Variants in SLC24A2 observed in about 807,000 individuals in gnomAD.
SLC24A2 encodes the protein solute carrier family 24 member 2, also known as sodium/potassium/calcium exchanger 2.
Under a neutral mutation model 62.0 loss-of-function variants are expected in SLC24A2, and 36 were observed. The observed-to-expected ratio is 0.58, with a 90% CI of 0.44 to 0.77. The LOEUF (loss-of-function observed/expected upper bound fraction) is 0.77, where lower values mean the gene tolerates loss of function less well. Among genes scored for constraint, SLC24A2 ranks in the 30% least tolerant of loss-of-function variants. The pLI is 0.00. For missense variants in SLC24A2, 846 were observed against 817.9 expected, an observed-to-expected ratio of 1.03 and a Z score of -0.42; for synonymous variants, 358 against 294.0, an observed-to-expected ratio of 1.22 and a Z score of -2.23.
chr9:19,706,212 T>G (rs1474735073), intron 2 of SLC24A2, among the ~76,000 whole-genome samples: 2 of 151,642 alleles, frequency 1.3e-5, no homozygotes, highest in Admixed American at 6.6e-5. Flanking sequence ...TCTTTTGATC[T>G]TTGTTGGTTT....
At chr9:19,814,273 G>A in the SLC24A2 span, among the ~76,000 whole-genome samples, 1 of 152,070 alleles carries the variant, frequency 6.6e-6, no homozygotes, top group Non-Finnish European at 1.5e-5. Flanking sequence ...GAAAGAATGG[G>A]GAGCCTGGAT....
At chr9:20,004,342 G>A in the SLC24A2 span, among the ~76,000 whole-genome samples, 1 of 152,196 alleles carries the variant, frequency 6.6e-6, no homozygotes, top group Non-Finnish European at 1.5e-5. Context: ...CACTCTGTTG[G>A]TCAGGCTTTT....
the SLC24A2 span, among the ~76,000 whole-genome samples, chr9:20,148,998 C>T: frequency 6.6e-6 from 1 of 152,010 alleles, no homozygotes; most frequent in Non-Finnish European, 1.5e-5. Flanking sequence ...GGGTTTTCTT[C>T]AACATGGAGA....
chr9:19,605,646 A>T (rs904344627), intron 4 of SLC24A2, among the ~76,000 whole-genome samples: 1 of 152,214 alleles, frequency 6.6e-6, no homozygotes, highest in African/African-American at 2.4e-5. Flanking sequence ...TGATTGAACC[A>T]CTGAAAGCTG....
chr9:19,939,302 A>G, the SLC24A2 span, among the ~76,000 whole-genome samples: 2 of 152,238 alleles, frequency 1.3e-5, no homozygotes, highest in African/African-American at 4.8e-5. Flanking sequence ...ACAAACCTAG[A>G]TGGTATAGCT....
chr9:20,173,784 C>T, the SLC24A2 span, among the ~76,000 whole-genome samples: 1 of 151,942 alleles, frequency 6.6e-6, no homozygotes, highest in Non-Finnish European at 1.5e-5. Context: ...CAAAAGCAAT[C>T]TATAAGTTCA....
chr9:19,779,589 G>A (rs955589540), intron 2 of SLC24A2, among the ~76,000 whole-genome samples: 4 of 152,098 alleles, frequency 2.6e-5, no homozygotes, highest in Admixed American at 6.5e-5. Context: ...CATCATGAAT[G>A]TACATCAGGA....
the SLC24A2 span, among the ~76,000 whole-genome samples, chr9:19,798,120 A>G: frequency 6.6e-6 from 1 of 152,306 alleles, no homozygotes; most frequent in South Asian, 2.1e-4. Flanking sequence ...TTCACTTAAT[A>G]AACTAGTTTA....
At chr9:20,013,726 AC>A in the SLC24A2 span, among the ~76,000 whole-genome samples, 1 of 152,242 alleles carries the variant, frequency 6.6e-6, no homozygotes, top group African/African-American at 2.4e-5. Flanking sequence ...AAATCAAACA[AC>A]TGTGTAGTAA....
At chr9:20,047,333 C>G in the SLC24A2 span, among the ~76,000 whole-genome samples, 1 of 151,904 alleles carries the variant, frequency 6.6e-6, no homozygotes, top group South Asian at 2.1e-4. Flanking sequence ...GTTATAGGGT[C>G]TACTGCATAA....
chr9:19,834,909 G>A, the SLC24A2 span, among the ~76,000 whole-genome samples: 1 of 152,194 alleles, frequency 6.6e-6, no homozygotes, highest in Non-Finnish European at 1.5e-5. Context: ...GAAGAGAGTG[G>A]AGACCAATAT....
chr9:20,223,113 G>A, the SLC24A2 span, among the ~76,000 whole-genome samples: 1 of 151,868 alleles, frequency 6.6e-6, no homozygotes, highest in Admixed American at 6.6e-5. Flanking sequence ...TAACCACATG[G>A]AAATGTAATA....
chr9:20,024,121 G>A, the SLC24A2 span, among the ~76,000 whole-genome samples: 1 of 152,308 alleles, frequency 6.6e-6, no homozygotes, highest in South Asian at 2.1e-4. Flanking sequence ...GTCCTTCAAA[G>A]AGGTGTGAGT....
At chr9:20,272,698 C>A in the SLC24A2 span, among the ~76,000 whole-genome samples, 1 of 152,140 alleles carries the variant, frequency 6.6e-6, no homozygotes, top group Non-Finnish European at 1.5e-5. Context: ...AGAAGAAAAG[C>A]ATAGCAGCCT....
the SLC24A2 span, among the ~76,000 whole-genome samples, chr9:19,839,449 G>C: frequency 6.6e-6 from 1 of 152,152 alleles, no homozygotes; most frequent in Admixed American, 6.5e-5. Context: ...AATGCTGTTA[G>C]GTACTATAGT....
At chr9:19,851,027 A>ATTTTT in the SLC24A2 span, among the ~76,000 whole-genome samples, 1 of 55,286 alleles carries the variant, frequency 1.8e-5, no homozygotes, top group Non-Finnish European at 3.3e-5. Context: ...ATATATACAT[A>ATTTTT]TTTTTTTTTT....
At chr9:19,544,255 C>CTTTTTTTTTTTTTTT (rs375479154) in intron 8 of SLC24A2, among the ~76,000 whole-genome samples, 29 of 124,012 alleles carry the variant, frequency 2.3e-4, no homozygotes, top group Non-Finnish European at 3.2e-4. Flanking sequence ...GCAACCCCTG[C>CTTTTTTTTTTTTTTT]TTTTTTTTTT....
At chr9:19,563,672 T>A (rs1835511385) in intron 7 of SLC24A2, among the ~76,000 whole-genome samples, 1 of 152,182 alleles carries the variant, frequency 6.6e-6, no homozygotes, top group Non-Finnish European at 1.5e-5. Context: ...CTTCTGATTT[T>A]TATAATGACC....
the SLC24A2 span, among the ~76,000 whole-genome samples, chr9:19,806,563 A>G: frequency 6.6e-6 from 1 of 152,178 alleles, no homozygotes; most frequent in Admixed American, 6.5e-5. Context: ...GGTATATTTA[A>G]CATTCCACAG....
Sources: gnomAD v4.1 joint callset for allele counts (sites outside exome capture counted in the v4.1 genomes callset) on GRCh38, gnomAD v4.1.1 for gene constraint, MANE v1.5 for transcripts, NCBI Gene and HGNC (gene_info 2026-07-23, HGNC 2026-07-21) for gene names.